The following EYS variants were observed in gnomAD, a reference collection of about 807,000 sequenced individuals.
EYS encodes the protein protein eyes shut homolog.
Under a neutral mutation model 282.1 loss-of-function variants are expected in EYS, and 250 were observed. The observed-to-expected ratio is 0.89, with a 90% CI of 0.80 to 0.98. EYS has a LOEUF of 0.98. EYS is among the 50% of genes least tolerant of loss of function. EYS has a pLI of 0.00. For missense variants in EYS, 4,016 were observed against 3,709.0 expected (o/e 1.08, Z -2.15); for synonymous variants, 1,355 against 1,282.9 (o/e 1.06, Z -1.20).
At chr6:64,771,384 A>T (rs1247393773) in intron 22 of EYS, among the ~76,000 whole-genome samples, 1 of 151,594 alleles carries the variant, frequency 6.6e-6, no homozygotes, top group Non-Finnish European at 1.5e-5. Flanking sequence ...ATGTTCCTGT[A>T]TTATTTCATA....
rs140796754 is a variant in EYS, at chr6:64,550,240, G to C, written c.5644+39983C>G. On this transcript the variant is annotated intron_variant, in intron 26 of 42. Coordinates refer to ENST00000503581, the MANE Select transcript of EYS (RefSeq NM_001142800.2). Reference sequence around the variant, plus strand: ...ATAGCAGCATGATTTATAATCCTTTGGGTATATACCCAGTAATGGGATTGC... The same window carrying C: ...ATAGCAGCATGATTTATAATCCTTTCGGTATATACCCAGTAATGGGATTGC... 7.0e-4 allele frequency among the ~76,000 whole-genome samples: 107 copies of C among 152,170 alleles called. 1 individual carries two copies. In the East Asian group the frequency reaches 0.017, roughly 24 times the overall value.
rs1038482028 is a variant in EYS at position 65,098,976 on chromosome 6, C to T, written c.2024-41249G>A. Among the ~76,000 whole-genome samples, 32 of 150,518 alleles carry T rather than the reference C, an allele frequency of 2.1e-4. No homozygotes were observed. In the Admixed American group the frequency reaches 2.1e-3, roughly 10 times the overall value. ...TATTTCTTTGTATTTGCAGAAACAC[C>T]ATCAAGCTAAGCCATTTGCAATGTA... On this transcript the variant is annotated intron_variant, in intron 12 of 42. Transcript: ENST00000503581.
At chr6:65,505,532 T>A (rs950227636) in intron 2 of EYS, among the ~76,000 whole-genome samples, 3 of 152,072 alleles carry the variant, frequency 2.0e-5, no homozygotes, top group African/African-American at 7.2e-5. Flanking sequence ...ATGCATTTAA[T>A]GTTATACGTT....
At chr6:65,248,248 C>T (rs1767231981) in intron 12 of EYS, among the ~76,000 whole-genome samples, 1 of 152,002 alleles carries the variant, frequency 6.6e-6, no homozygotes, top group African/African-American at 2.4e-5. Context: ...GAGTAATAGG[C>T]AATAACACTG....
intron 26 of EYS, among the ~76,000 whole-genome samples, chr6:64,445,387 C>T (rs951078693): frequency 6.6e-6 from 1 of 152,040 alleles, no homozygotes; most frequent in African/African-American, 2.4e-5. Context: ...AAATAATAAA[C>T]TTCTGCACTT....
At chr6:64,522,744 T>C (rs1029701856) in intron 26 of EYS, among the ~76,000 whole-genome samples, 1 of 151,686 alleles carries the variant, frequency 6.6e-6, no homozygotes, top group Non-Finnish European at 1.5e-5. Flanking sequence ...TGTTTTCAAA[T>C]ATACTCGATC....
At chr6:65,563,995 A>G (rs1473263655) in intron 2 of EYS, among the ~76,000 whole-genome samples, 1 of 152,184 alleles carries the variant, frequency 6.6e-6, no homozygotes, top group Non-Finnish European at 1.5e-5. Context: ...ATAGAGAGCC[A>G]AATCATGAGT....
chr6:65,227,649 T>C (rs76213466), intron 12 of EYS, among the ~76,000 whole-genome samples: 1 of 152,092 alleles, frequency 6.6e-6, no homozygotes, highest in Admixed American at 6.6e-5. Context: ...TTATTAATAA[T>C]AGACAAAAGC....
rs151320542 is a variant in EYS, at chr6:64,335,862, G to A, written c.6079-28780C>T. Among the ~76,000 whole-genome samples, 513 of 152,136 alleles carry A rather than the reference G, an allele frequency of 3.4e-3. 11 individuals carry two copies. The highest frequency in any genetic ancestry group is 0.03 in the Admixed American group (457 of 15,250). The stretch of plus-strand genomic sequence containing the variant: ...AAATGATTATCAGCCAATAATTTTT[G>A]TATCCAGCAAAACTAAGTATCATGT... On this transcript the variant is annotated intron_variant, in intron 29 of 42. Transcript: ENST00000503581.
intron 11 of EYS, among the ~76,000 whole-genome samples, chr6:65,323,442 C>T (rs1399392012): frequency 2.0e-5 from 3 of 152,270 alleles, no homozygotes; most frequent in African/African-American, 7.2e-5. Flanking sequence ...ACAAGGTGTT[C>T]TTACATCTCG....
intron 35 of EYS, among the ~76,000 whole-genome samples, chr6:63,943,645 A>G (rs1307063716): frequency 1.3e-5 from 2 of 152,234 alleles, no homozygotes; most frequent in Admixed American, 6.5e-5. Flanking sequence ...AGTTTTAAAT[A>G]CATAGATTTA....
At chr6:65,617,926 C>T (rs62407727) in intron 2 of EYS, among the ~76,000 whole-genome samples, 1 of 151,710 alleles carries the variant, frequency 6.6e-6, no homozygotes, top group African/African-American at 2.4e-5. Flanking sequence ...TGTATATGTG[C>T]CACATTTTCT....
intron 13 of EYS, among the ~76,000 whole-genome samples, chr6:65,039,359 T>A (rs1028107165): frequency 6.6e-6 from 1 of 151,596 alleles, no homozygotes; most frequent in African/African-American, 2.4e-5. Flanking sequence ...CTTTCATTGA[T>A]CAAACCGTCT....
At chr6:64,059,727 CAGT>C (rs1771099641) in intron 33 of EYS, among the ~76,000 whole-genome samples, 3 of 152,156 alleles carry the variant, frequency 2.0e-5, no homozygotes, top group Non-Finnish European at 4.4e-5. Context: ...TTTAGTTTTA[CAGT>C]AGATCTTCAC....
intron 31 of EYS, among the ~76,000 whole-genome samples, chr6:64,213,748 G>T (rs1186142243): frequency 2.0e-5 from 3 of 152,062 alleles, no homozygotes; most frequent in Non-Finnish European, 4.4e-5. Context: ...CATTTCAAAT[G>T]ATCTAAATGT....
chr6:63,725,143 TAA>T (rs1189887793), intron 42 of EYS, among the ~76,000 whole-genome samples: 6 of 152,166 alleles, frequency 3.9e-5, no homozygotes, highest in Non-Finnish European at 8.8e-5. Flanking sequence ...TTTTCTTATA[TAA>T]GTGTCAAATG....
chr6:64,652,034 G>A (rs1191089368), intron 22 of EYS, among the ~76,000 whole-genome samples: 2 of 152,172 alleles, frequency 1.3e-5, no homozygotes, highest in Non-Finnish European at 2.9e-5. Flanking sequence ...GGTTTTAAAA[G>A]CTTACAAAAA....
intron 12 of EYS, among the ~76,000 whole-genome samples, chr6:65,108,745 A>G (rs1481539732): frequency 6.6e-6 from 1 of 152,152 alleles, no homozygotes; most frequent in African/African-American, 2.4e-5. Flanking sequence ...TAAATTTGGG[A>G]AAGTCCAGTT....
At chr6:65,388,774 T>C (rs1041590612) in intron 7 of EYS, among the ~76,000 whole-genome samples, 1 of 152,068 alleles carries the variant, frequency 6.6e-6, no homozygotes, top group African/African-American at 2.4e-5. Context: ...TTAAAACATA[T>C]ATATTCTTTT....
Sources: gnomAD v4.1 joint callset for allele counts (sites outside exome capture counted in the v4.1 genomes callset) on GRCh38, gnomAD v4.1.1 for gene constraint, MANE v1.5 for transcripts, NCBI Gene and HGNC (gene_info 2026-07-23, HGNC 2026-07-21) for gene names.